The following ASAP1 variants were observed in gnomAD, a reference collection of about 807,000 sequenced individuals.
ASAP1 encodes ArfGAP with SH3 domain, ankyrin repeat and PH domain 1, also known as arf-GAP with SH3 domain, ANK repeat and PH domain-containing protein 1.
ASAP1 carries 43 observed loss-of-function variants against 145.2 expected under a neutral mutation model. The ratio of observed to expected loss-of-function variants is 0.30; its 90% CI spans 0.23 to 0.38. ASAP1 has a LOEUF of 0.38. Ranked by LOEUF, ASAP1 falls within the 10% of genes least tolerant of loss-of-function variation. The probability of loss-of-function intolerance (pLI) is 1.00; values close to 1 mark genes in which losing one functional copy is unlikely to be tolerated. For missense variants in ASAP1, 1,018 were observed against 1,355.3 expected (o/e 0.75, Z 3.91); for synonymous variants, 546 against 515.5 (o/e 1.06, Z -0.80).
At chr8:130,288,419 T>A (rs977489675) in intron 3 of ASAP1, among the ~76,000 whole-genome samples, 7 of 151,960 alleles carry the variant, frequency 4.6e-5, no homozygotes, top group African/African-American at 1.5e-4. Flanking sequence ...AATATAAACC[T>A]CCCTGCAAAT....
At chr8:130,343,044 G>A (rs1488699611) in intron 3 of ASAP1, among the ~76,000 whole-genome samples, 2 of 152,198 alleles carry the variant, frequency 1.3e-5, no homozygotes, top group Non-Finnish European at 2.9e-5. Context: ...ACTTAGTCAT[G>A]GGAGGTTAAA....
intron 12 of ASAP1, among the ~76,000 whole-genome samples, chr8:130,155,464 T>C (rs2097656494): frequency 6.6e-6 from 1 of 152,156 alleles, no homozygotes; most frequent in South Asian, 2.1e-4. Context: ...CCTCCCAGGC[T>C]CAAGCGATAC....
At chr8:130,344,290 G>A (rs1280020937) in intron 3 of ASAP1, among the ~76,000 whole-genome samples, 2 of 151,834 alleles carry the variant, frequency 1.3e-5, no homozygotes, top group African/African-American at 4.8e-5. Flanking sequence ...TTTTTAAAGA[G>A]ACAACCAGGG....
chr8:130,357,951 A>G (rs1826438683), intron 3 of ASAP1, 66 bp downstream of exon 3: 2 of 1,529,660 alleles, frequency 1.3e-6, no homozygotes, highest in Non-Finnish European at 1.8e-6. Context: ...CAGCTCGGAG[A>G]GGAGATCCTC....
At chr8:130,090,408 T>C (rs572423556) in intron 25 of ASAP1, among the ~76,000 whole-genome samples, 17 of 152,290 alleles carry the variant, frequency 1.1e-4, no homozygotes, top group Admixed American at 3.9e-4. Context: ...AATCTGGGGA[T>C]CCCGAAGGCC....
intron 1 of ASAP1, among the ~76,000 whole-genome samples, chr8:130,420,771 G>A (rs1432905866): frequency 6.6e-6 from 1 of 151,868 alleles, no homozygotes; most frequent in Non-Finnish European, 1.5e-5. Flanking sequence ...GTGCACACCT[G>A]TAATCCCACT....
chr8:130,114,954 C>T (rs1308559032), intron 23 of ASAP1, among the ~76,000 whole-genome samples: 1 of 151,886 alleles, frequency 6.6e-6, no homozygotes, highest in Non-Finnish European at 1.5e-5. Context: ...GAGACAGGGT[C>T]TCACCATTTT....
intron 27 of ASAP1, among the ~76,000 whole-genome samples, chr8:130,063,964 C>T (rs934703763): frequency 3.3e-5 from 5 of 151,998 alleles, no homozygotes; most frequent in Admixed American, 6.6e-5. Context: ...AGAGTGCTGG[C>T]TGGGTGGGGA....
In ASAP1 at chr8:130,401,875, G is replaced by C; in HGVS notation, c.59+10C>G. On this transcript the variant is annotated intron_variant, in intron 2 of 29. Coordinates refer to ENST00000518721, the MANE Select transcript of ASAP1 (RefSeq NM_018482.4). ...AGTTTTCTGGACAGGATGGGCTAGA[G>C]ATCACTCACCGATTCCATAGTGAAT... 2 of 1,612,970 alleles carry C rather than the reference G, an allele frequency of 1.2e-6. No individual in the cohort carries two copies. Among genetic ancestry groups the C allele is most frequent in the South Asian group, 1.1e-5 (1 of 90,896 alleles).
intron 10 of ASAP1, 123 bp from the exon 11 acceptor site, chr8:130,167,745 T>C: frequency 1.5e-6 from 1 of 659,648 alleles, no homozygotes; most frequent in Non-Finnish European, 2.6e-6. Flanking sequence ...TAAAAGTCCT[T>C]TATACTGTCT....
At chr8:130,304,999 C>T (rs996779686) in intron 3 of ASAP1, among the ~76,000 whole-genome samples, 3 of 152,198 alleles carry the variant, frequency 2.0e-5, no homozygotes, top group Non-Finnish European at 4.4e-5. Context: ...ACACGCTCTA[C>T]ACCTTGGCCA....
At chr8:130,200,333 G>A (rs1815787791) in intron 5 of ASAP1, among the ~76,000 whole-genome samples, 1 of 152,148 alleles carries the variant, frequency 6.6e-6, no homozygotes, top group African/African-American at 2.4e-5. Context: ...GTGCCTCTGG[G>A]TTCTGCAGAC....
intron 3 of ASAP1, among the ~76,000 whole-genome samples, chr8:130,327,145 G>A (rs1211178609): frequency 6.6e-6 from 1 of 152,198 alleles, no homozygotes; most frequent in Non-Finnish European, 1.5e-5. Flanking sequence ...CTGAGCAGAT[G>A]TAATGAATAA....
chr8:130,207,332 T>A (rs1816290664), intron 5 of ASAP1, among the ~76,000 whole-genome samples: 1 of 152,134 alleles, frequency 6.6e-6, no homozygotes, highest in Non-Finnish European at 1.5e-5. Context: ...AATAAATATT[T>A]AAAAAATGTT....
At chr8:130,350,775 ATAAC>A (rs1172954424) in intron 3 of ASAP1, among the ~76,000 whole-genome samples, 3 of 152,210 alleles carry the variant, frequency 2.0e-5, no homozygotes, top group African/African-American at 4.8e-5. Context: ...AATTCCCTGA[ATAAC>A]TAACACCCAG....
chr8:130,230,841 AT>A (rs1166322105), intron 4 of ASAP1, among the ~76,000 whole-genome samples: 1 of 152,184 alleles, frequency 6.6e-6, no homozygotes, highest in East Asian at 1.9e-4. Context: ...ATTCTAATCT[AT>A]TATGTCTCTT....
intron 1 of ASAP1, among the ~76,000 whole-genome samples, chr8:130,413,010 C>A (rs1425180672): frequency 6.6e-6 from 1 of 152,208 alleles, no homozygotes; most frequent in Non-Finnish European, 1.5e-5. Context: ...ACACTAACTA[C>A]ACAAGCAATA....
At chr8:130,259,015 T>A (rs969566577) in intron 3 of ASAP1, among the ~76,000 whole-genome samples, 10 of 152,150 alleles carry the variant, frequency 6.6e-5, no homozygotes, top group African/African-American at 2.4e-4. Flanking sequence ...CATTTGCTTA[T>A]GGTATTTTAA....
At chr8:130,342,828 T>C (rs1434120212) in intron 3 of ASAP1, among the ~76,000 whole-genome samples, 2 of 152,142 alleles carry the variant, frequency 1.3e-5, no homozygotes, top group Admixed American at 6.5e-5. Flanking sequence ...AAGAACCTGG[T>C]TGCCCCCCAC....
Sources: gnomAD v4.1 joint callset for allele counts (sites outside exome capture counted in the v4.1 genomes callset) on GRCh38, gnomAD v4.1.1 for gene constraint, MANE v1.5 for transcripts, NCBI Gene and HGNC (gene_info 2026-07-23, HGNC 2026-07-21) for gene names.